Variants in PIP4K2A observed in about 807,000 individuals in gnomAD.
The protein encoded by PIP4K2A is phosphatidylinositol-5-phosphate 4-kinase type 2 alpha, also known as phosphatidylinositol 5-phosphate 4-kinase type-2 alpha.
Under a neutral mutation model 42.9 loss-of-function variants are expected in PIP4K2A, and 14 were observed. That is an observed-to-expected ratio of 0.33 (90% CI 0.22 to 0.51). PIP4K2A has a LOEUF of 0.51. Ranked by LOEUF, PIP4K2A falls within the 20% of genes least tolerant of loss-of-function variation. The pLI is 0.97. For missense variants in PIP4K2A, 434 were observed against 519.8 expected (o/e 0.83, Z 1.61); for synonymous variants, 192 against 192.2 (o/e 1.00, Z 0.01).
At chr10:22,562,548 C>T (rs11819401) in intron 6 of PIP4K2A, among the ~76,000 whole-genome samples, 6,998 of 151,728 alleles carry the variant, frequency 0.046, 373 homozygotes, top group African/African-American at 0.13. Flanking sequence ...GACTCCGTCT[C>T]GAAAAAAAAC....
At chr10:22,626,152 G>A (rs890162290) in intron 1 of PIP4K2A, among the ~76,000 whole-genome samples, 3 of 151,990 alleles carry the variant, frequency 2.0e-5, no homozygotes, top group African/African-American at 7.2e-5. Flanking sequence ...ATGCAAGTTC[G>A]GAATATAAAT....
chr10:22,557,039 G>A (rs370054314), intron 6 of PIP4K2A, among the ~76,000 whole-genome samples: 16 of 152,260 alleles, frequency 1.1e-4, no homozygotes, highest in Admixed American at 4.6e-4. Context: ...CAACACACGC[G>A]TAAGGCTTTC....
At chr10:22,545,344 T>A (rs1029242570) in intron 7 of PIP4K2A, among the ~76,000 whole-genome samples, 19 of 152,194 alleles carry the variant, frequency 1.2e-4, no homozygotes, top group African/African-American at 4.6e-4. Context: ...GACCTTCAAG[T>A]ATGTTTTAGT....
intron 6 of PIP4K2A, among the ~76,000 whole-genome samples, chr10:22,554,791 C>A (rs964078959): frequency 4.6e-5 from 7 of 152,204 alleles, no homozygotes; most frequent in African/African-American, 1.4e-4. Context: ...TGGGAGGGAA[C>A]TGCTCTTCCC....
At chr10:22,635,610 G>C (rs1466757837) in intron 1 of PIP4K2A, among the ~76,000 whole-genome samples, 2 of 152,110 alleles carry the variant, frequency 1.3e-5, no homozygotes, top group African/African-American at 4.8e-5. Flanking sequence ...CCAGAAAATG[G>C]CTGAAGAACT....
chr10:22,647,785 A>G (rs546048473), intron 1 of PIP4K2A, among the ~76,000 whole-genome samples: 19 of 152,342 alleles, frequency 1.2e-4, no homozygotes, highest in Admixed American at 2.0e-4. Flanking sequence ...AAATGACCCA[A>G]TGAAAACAGG....
chr10:22,539,119 C>T (rs1015044063), intron 9 of PIP4K2A, among the ~76,000 whole-genome samples: 1 of 152,052 alleles, frequency 6.6e-6, no homozygotes, highest in African/African-American at 2.4e-5. Context: ...TGAAACTTGG[C>T]GAGCTGTAAA....
chr10:22,550,762 A>C lies in PIP4K2A; in HGVS notation c.689T>G (p.Leu230Arg). The C allele has an allele frequency of 1.3e-6, 2 of 1,592,792 alleles. No homozygotes were observed. The highest frequency in any genetic ancestry group is 1.7e-6 in the Non-Finnish European group (2 of 1,160,624). The change falls in exon 7 of 10, where the codon CTG becomes CGG. Residue 230 changes from leucine to arginine, a missense_variant. Coordinates refer to ENST00000376573, the MANE Select transcript of PIP4K2A (RefSeq NM_005028.5). ...GAAATCATTATCTTTCAGAGTTGGC[A>C]GTTCTTTGGCCTAAAACAAATGAGA... ...EASDKEKAKE[L>R]PTLKDNDFIN...
intron 5 of PIP4K2A, chr10:22,568,997 C>T: frequency 1.3e-6 from 2 of 1,528,146 alleles, no homozygotes; most frequent in Non-Finnish European, 1.8e-6. Context: ...GTTAGCCATT[C>T]ATTAAATGAA....
At chr10:22,581,456 G>A (rs1006187166) in intron 4 of PIP4K2A, among the ~76,000 whole-genome samples, 40 of 148,558 alleles carry the variant, frequency 2.7e-4, no homozygotes, top group African/African-American at 9.4e-4. Flanking sequence ...TCACTGCATT[G>A]CATTTTAAAA....
intron 1 of PIP4K2A, among the ~76,000 whole-genome samples, chr10:22,624,268 C>G (rs1443994540): frequency 6.6e-6 from 1 of 152,174 alleles, no homozygotes; most frequent in African/African-American, 2.4e-5. Flanking sequence ...TGGAGAAGCA[C>G]TTGCTATTTC....
At chr10:22,675,905 T>A (rs1839548206) in intron 1 of PIP4K2A, among the ~76,000 whole-genome samples, 1 of 152,190 alleles carries the variant, frequency 6.6e-6, no homozygotes, top group Admixed American at 6.5e-5. Context: ...AAAAATCACA[T>A]AATTTATTGC....
At chr10:22,547,527 T>C (rs1426914065) in intron 7 of PIP4K2A, among the ~76,000 whole-genome samples, 1 of 152,192 alleles carries the variant, frequency 6.6e-6, no homozygotes, top group Non-Finnish European at 1.5e-5. Flanking sequence ...TGGGAAGGAC[T>C]TGGGCTCGAT....
At chr10:22,598,462 G>A (rs1237024518) in intron 3 of PIP4K2A, among the ~76,000 whole-genome samples, 1 of 152,160 alleles carries the variant, frequency 6.6e-6, no homozygotes, top group Non-Finnish European at 1.5e-5. Context: ...ATGTTAAAAG[G>A]AGAATTTAAA....
chr10:22,690,755 T>C (rs1429264401), intron 1 of PIP4K2A, among the ~76,000 whole-genome samples: 2 of 152,214 alleles, frequency 1.3e-5, no homozygotes, highest in South Asian at 2.1e-4. Context: ...TAAGTAATCA[T>C]GCAAGGCAAA....
intron 4 of PIP4K2A, among the ~76,000 whole-genome samples, chr10:22,582,650 T>A (rs557929463): frequency 1.3e-5 from 2 of 152,162 alleles, no homozygotes; most frequent in East Asian, 3.9e-4. Flanking sequence ...CCATGGGCTA[T>A]GTTTAGAGAT....
At chr10:22,567,401 G>C (rs1010109266) in intron 6 of PIP4K2A, 1 of 339,382 alleles carries the variant, frequency 2.9e-6, no homozygotes, top group Non-Finnish European at 5.8e-6. Context: ...AGGAGTTTGA[G>C]GCTCATCCAA....
At chr10:22,607,004 A>C (rs1837920418) in intron 3 of PIP4K2A, among the ~76,000 whole-genome samples, 1 of 151,680 alleles carries the variant, frequency 6.6e-6, no homozygotes, top group Non-Finnish European at 1.5e-5. Flanking sequence ...AATTGTGTAC[A>C]TGAAACAAAG....
At chr10:22,668,826 G>A (rs1839397538) in intron 1 of PIP4K2A, among the ~76,000 whole-genome samples, 1 of 152,146 alleles carries the variant, frequency 6.6e-6, no homozygotes, top group Non-Finnish European at 1.5e-5. Context: ...CTTGAAGCCT[G>A]ATGCTTCAAG....
Sources: allele counts gnomAD v4.1 joint callset (sites outside exome capture counted in the v4.1 genomes callset), GRCh38; gene constraint gnomAD v4.1.1; transcripts MANE v1.5; gene names NCBI Gene and HGNC (gene_info 2026-07-23, HGNC 2026-07-21).